The following PCDH15 variants were observed in gnomAD, a reference collection of about 807,000 sequenced individuals.
The protein encoded by PCDH15 is protocadherin-15.
PCDH15 carries 129 observed loss-of-function variants against 178.5 expected under a neutral mutation model. The observed-to-expected ratio is 0.72, with a 90% CI of 0.63 to 0.84. PCDH15 has a LOEUF of 0.84. Among genes scored for constraint, PCDH15 ranks in the 40% least tolerant of loss-of-function variants. The pLI is 0.00. For missense variants in PCDH15, 2,230 were observed against 2,099.9 expected (o/e 1.06, Z -1.21); for synonymous variants, 800 against 732.0 (o/e 1.09, Z -1.50).
intron 2 of PCDH15, among the ~76,000 whole-genome samples, chr10:55,565,335 G>C (rs1842280067): frequency 6.6e-6 from 1 of 151,570 alleles, no homozygotes; most frequent in African/African-American, 2.4e-5. Flanking sequence ...AAATTTATGA[G>C]ACATAGAAAA....
chr10:53,869,489 C>T (rs542689233), intron 26 of PCDH15, among the ~76,000 whole-genome samples: 1 of 152,272 alleles, frequency 6.6e-6, no homozygotes, highest in African/African-American at 2.4e-5. Flanking sequence ...TATTCTCTAT[C>T]TTCTTATTAA....
intron 2 of PCDH15, among the ~76,000 whole-genome samples, chr10:54,968,868 T>C (rs529657850): frequency 5.9e-5 from 9 of 152,300 alleles, no homozygotes; most frequent in African/African-American, 2.2e-4. Context: ...TCAACATCTC[T>C]AGCCTTTTCT....
At chr10:54,618,230 A>G (rs2093243088) in intron 2 of PCDH15, among the ~76,000 whole-genome samples, 1 of 152,148 alleles carries the variant, frequency 6.6e-6, no homozygotes, top group South Asian at 2.1e-4. Flanking sequence ...AAATGACAGT[A>G]TAAGTATCTA....
At chr10:55,523,511 T>C (rs1473595651) in intron 2 of PCDH15, among the ~76,000 whole-genome samples, 2 of 151,686 alleles carry the variant, frequency 1.3e-5, no homozygotes, top group African/African-American at 2.4e-5. Context: ...TGAAAATACA[T>C]CTGAAATTTA....
At chr10:55,132,654 G>C (rs1838085434) in intron 2 of PCDH15, among the ~76,000 whole-genome samples, 3 of 152,074 alleles carry the variant, frequency 2.0e-5, no homozygotes, top group Admixed American at 2.0e-4. Flanking sequence ...CAGAAACATG[G>C]AAATACAAAT....
At chr10:55,180,061 C>T (rs1389235599) in intron 1 of PCDH15, among the ~76,000 whole-genome samples, 1 of 152,008 alleles carries the variant, frequency 6.6e-6, no homozygotes, top group South Asian at 2.1e-4. Flanking sequence ...TGGGAAAACT[C>T]ACCAGAACAT....
intron 3 of PCDH15, among the ~76,000 whole-genome samples, chr10:54,505,002 G>A (rs1212179492): frequency 1.3e-5 from 2 of 151,976 alleles, no homozygotes; most frequent in Non-Finnish European, 2.9e-5. Context: ...AATGCCAGCT[G>A]GTCGGTTCTG....
chr10:54,008,307 TACAAC>T (rs564716747), intron 20 of PCDH15, among the ~76,000 whole-genome samples: 218 of 152,302 alleles, frequency 1.4e-3, no homozygotes, highest in South Asian at 5.2e-3. Context: ...AAGCAATTGA[TACAAC>T]ACGAATTAAA....
intron 6 of PCDH15, among the ~76,000 whole-genome samples, chr10:54,334,683 ACAC>A (rs1940669935): frequency 2.1e-3 from 1 of 486 alleles, no homozygotes; most frequent in African/African-American, 0.033. Context: ...TTTCTAAAGA[ACAC>A]ACACACACAC....
intron 1 of PCDH15, among the ~76,000 whole-genome samples, chr10:55,192,886 T>A (rs1346801333): frequency 6.6e-6 from 1 of 151,420 alleles, no homozygotes; most frequent in Non-Finnish European, 1.5e-5. Flanking sequence ...TATACATATA[T>A]AATCTGTTTA....
At chr10:53,995,341 T>C (rs1347037188) in intron 21 of PCDH15, 1 of 399,920 alleles carries the variant, frequency 2.5e-6, no homozygotes, top group African/African-American at 2.0e-5. Flanking sequence ...ATTTAAAACA[T>C]ATCCAGATTA....
At chr10:54,371,172 A>C (rs1947606448) in intron 4 of PCDH15, among the ~76,000 whole-genome samples, 1 of 151,834 alleles carries the variant, frequency 6.6e-6, no homozygotes. Context: ...CAAAATGGTA[A>C]ATTTTTGCAA....
At chr10:55,156,903 G>A (rs1838905715) in intron 2 of PCDH15, among the ~76,000 whole-genome samples, 1 of 152,092 alleles carries the variant, frequency 6.6e-6, no homozygotes, top group Non-Finnish European at 1.5e-5. Flanking sequence ...TATGAGGGAA[G>A]ACTGTCTTAA....
At chr10:53,817,867 C>T (rs1456965358) in intron 34 of PCDH15, 128 bp downstream of exon 34, 1 of 394,258 alleles carries the variant, frequency 2.5e-6, no homozygotes, top group Non-Finnish European at 4.5e-6. Context: ...AATAGCATAA[C>T]ATACTAATAT....
chr10:54,081,039 T>C (rs953864149), intron 16 of PCDH15, among the ~76,000 whole-genome samples: 9 of 152,168 alleles, frequency 5.9e-5, no homozygotes, highest in African/African-American at 2.2e-4. Flanking sequence ...TTCCTCCTTG[T>C]ACATTAAATT....
intron 3 of PCDH15, among the ~76,000 whole-genome samples, chr10:54,526,904 G>T (rs969125113): frequency 6.6e-6 from 1 of 152,064 alleles, no homozygotes; most frequent in Non-Finnish European, 1.5e-5. Flanking sequence ...GTACATGTAC[G>T]CGTGTAGATT....
chr10:54,653,932 A>T (rs941680803), intron 2 of PCDH15, among the ~76,000 whole-genome samples: 5 of 152,230 alleles, frequency 3.3e-5, no homozygotes, highest in African/African-American at 1.2e-4. Context: ...TTACTTTGTG[A>T]TTAAATATGC....
chr10:54,557,509 T>G (rs1432012392), intron 2 of PCDH15, among the ~76,000 whole-genome samples: 3 of 152,170 alleles, frequency 2.0e-5, no homozygotes, highest in African/African-American at 4.8e-5. Context: ...ACATTACTCA[T>G]GTCTAATTCT....
chr10:54,787,778 G>A (rs904433648), intron 1 of PCDH15, among the ~76,000 whole-genome samples: 51 of 151,940 alleles, frequency 3.4e-4, no homozygotes, highest in African/African-American at 1.2e-3. Flanking sequence ...ATGGAGAGAT[G>A]CATCCCAAAT....
Sources: gnomAD v4.1 joint callset for allele counts (sites outside exome capture counted in the v4.1 genomes callset) on GRCh38, gnomAD v4.1.1 for gene constraint, MANE v1.5 for transcripts, NCBI Gene and HGNC (gene_info 2026-07-23, HGNC 2026-07-21) for gene names.